Variants in COG2 observed in about 807,000 individuals in gnomAD.
The protein encoded by COG2 is conserved oligomeric Golgi complex subunit 2.
Under a neutral mutation model 90.6 loss-of-function variants are expected in COG2, and 52 were observed. The ratio of observed to expected loss-of-function variants is 0.57; its 90% CI spans 0.46 to 0.72. The LOEUF is 0.72. Ranked by LOEUF, COG2 falls within the 30% of genes least tolerant of loss-of-function variation. COG2 has a pLI of 0.00. For synonymous variants in COG2, 337 were observed against 320.4 expected, an observed-to-expected ratio of 1.05 and a Z score of -0.55; for missense variants, 829 against 891.2, an observed-to-expected ratio of 0.93 and a Z score of 0.89.
intron 9 of COG2, among the ~76,000 whole-genome samples, chr1:230,675,427 C>CTT: frequency 6.6e-6 from 1 of 152,102 alleles, no homozygotes; most frequent in East Asian, 1.9e-4. Context: ...CCATTAAAAG[C>CTT]CAGTGTTTTT....
At chr1:230,685,399 AT>A (rs1287127730) in intron 12 of COG2, among the ~76,000 whole-genome samples, 163 bp downstream of exon 12, 2 of 152,098 alleles carry the variant, frequency 1.3e-5, no homozygotes, top group Admixed American at 1.3e-4. Flanking sequence ...TCTGTGTTTC[AT>A]TTTTACTCCT....
chr1:230,688,186 G>T lies in COG2; in HGVS notation c.1651+43G>T. On this transcript the variant is annotated intron_variant, in intron 14 of 17. Transcript: ENST00000366669. ...CTAAGCAAATCTTTGAATAAGAAAT[G>T]ATTTAAAATAAAATCTCAGAGACTG... 4 of 1,405,990 alleles carry T rather than the reference G, an allele frequency of 2.8e-6. No homozygotes were observed. The South Asian group carries it at 3.8e-5, about 13-fold the overall frequency. 87.1% of individuals were successfully genotyped at this position (1,405,990 alleles called of 1,614,324 possible). A position where few individuals can be genotyped will look rare whatever the true frequency, so the allele number is the denominator to read the frequency against.
rs767532625 is a variant in COG2 at position 230,671,497 on chromosome 1, A to G, written c.775-19A>G. 1.3e-6 allele frequency: 2 copies of G among 1,592,706 alleles called. No individual in the cohort carries two copies. Among genetic ancestry groups the G allele is most frequent in the Admixed American group, 1.8e-5 (1 of 55,116 alleles). On this transcript the variant is annotated intron_variant, in intron 7 of 17. Transcript: ENST00000366669. ...TCCCTTTTAAATGCTTTTTTAAAAA[A>G]TGATTTTTCTTTTAATAGGTGATTA...
At position 230,660,795 on chromosome 1, in the gene COG2, CT is replaced by C. The variant is rs751763497; in HGVS notation, c.275del (p.Leu92TrpfsTer9). 1 of 1,585,782 alleles carries C rather than the reference CT, an allele frequency of 6.3e-7. No individual in the cohort carries two copies. On this transcript the variant is annotated frameshift_variant, in exon 3 of 18. Transcript: ENST00000366669. LOFTEE classifies it high-confidence loss of function. ...AAAGCCCTCAACCAGCTTTCTGTGC[CT>C]TTGGGACAATTACGAGAAGAGGTTC... is the stretch of plus-strand genomic sequence containing the variant. ...MDKALNQLSVPLGQLREEVLS... is the reference protein window; with the variant it reads ...MDKALNQLSVXLGQLREEVLS...
chr1:230,660,820 T>G lies in COG2; in HGVS notation c.297T>G (p.Val99=). The G allele has an allele frequency of 6.3e-7, 1 of 1,575,544 alleles. No homozygotes were observed. The highest frequency in any genetic ancestry group is 8.6e-7 in the Non-Finnish European group (1 of 1,161,772). The change falls in exon 3 of 18, where the codon GTT becomes GTG. Residue 99 remains valine (V), a synonymous_variant. Coordinates refer to ENST00000366669, the MANE Select transcript of COG2 (RefSeq NM_007357.3). Reference sequence around the variant, plus strand: ...CTTTGGGACAATTACGAGAAGAGGTTCTGGTAAGTTTCCCGAATAACATCA... The same window carrying G: ...CTTTGGGACAATTACGAGAAGAGGTGCTGGTAAGTTTCCCGAATAACATCA... ...SVPLGQLREE[V]LSLRSSVSEG... is the part of the protein sequence containing the mutation.
intron 17 of COG2, 133 bp from the exon 18 acceptor site, chr1:230,693,159 G>A: frequency 1.8e-6 from 1 of 565,130 alleles, no homozygotes; most frequent in Non-Finnish European, 3.2e-6. Flanking sequence ...TGCTCTAGAG[G>A]AAAAAATATC....
chr1:230,644,854 G>A (rs1051469470), intron 1 of COG2, among the ~76,000 whole-genome samples: 5 of 152,108 alleles, frequency 3.3e-5, no homozygotes, highest in African/African-American at 7.2e-5. Context: ...GACTGGTGGC[G>A]GGAGGCTACT....
intron 1 of COG2, among the ~76,000 whole-genome samples, chr1:230,649,076 A>G (rs1661853883): frequency 6.6e-6 from 1 of 152,250 alleles, no homozygotes; most frequent in Non-Finnish European, 1.5e-5. Flanking sequence ...GGTATTGAAC[A>G]GAGGATTTAG....
At chr1:230,657,797 C>G (rs1571946112) in intron 1 of COG2, among the ~76,000 whole-genome samples, 1 of 152,036 alleles carries the variant, frequency 6.6e-6, no homozygotes, top group Non-Finnish European at 1.5e-5. Flanking sequence ...CTTGTCTTCT[C>G]ACTTCATTTC....
chr1:230,653,289 T>C (rs975671538), intron 1 of COG2, among the ~76,000 whole-genome samples: 8 of 151,630 alleles, frequency 5.3e-5, no homozygotes, highest in Non-Finnish European at 1.0e-4. Flanking sequence ...GGCACCATCT[T>C]GGCTCACTGC....
intron 15 of COG2, 22 bp from the exon 16 acceptor site, chr1:230,689,992 T>C: frequency 6.5e-7 from 1 of 1,549,844 alleles, no homozygotes; most frequent in Admixed American, 2.1e-5. Context: ...TGCATCTTTA[T>C]CTCCTACCAT....
At position 230,642,559 on chromosome 1, in the gene COG2, T is replaced by C; in HGVS notation, c.-48T>C. 6.3e-7 allele frequency: 1 copy of C among 1,580,816 alleles called. No individual in the cohort carries two copies. The highest frequency in any genetic ancestry group is 8.6e-7 in the Non-Finnish European group (1 of 1,159,700). On this transcript the variant is annotated 5_prime_UTR_variant, in exon 1 of 18. Transcript: ENST00000366669. ...CGCCGAGTCGGTCTGCGCAGCCTCC[T>C]GCGTTTTCTCGCTTGGATCTTGGCA...
At position 230,644,935 on chromosome 1, in the gene COG2, C is replaced by T. The variant is rs1003614061; in HGVS notation, c.72+2257C>T. On this transcript the variant is annotated intron_variant, in intron 1 of 17. Transcript: ENST00000366669. ...AGGGGATAGTTTGTGGAAAATATTA[C>T]GTAAATGATCAAAAAGCAGGAGTGG... Among the ~76,000 whole-genome samples the T allele has an allele frequency of 7.9e-5, 12 of 151,920 alleles. No homozygotes were observed. In the South Asian group the frequency reaches 8.3e-4, roughly 11 times the overall value.
chr1:230,680,305 T>C (rs1662708663), intron 10 of COG2: 1 of 152,126 alleles, frequency 6.6e-6, no homozygotes, highest in Non-Finnish European at 1.5e-5. Flanking sequence ...TTGCTTTAGT[T>C]ATCTAATGCT....
chr1:230,674,943 GCT>G, intron 8 of COG2, 53 bp from the exon 9 acceptor site: 2 of 1,406,892 alleles, frequency 1.4e-6, no homozygotes, highest in Non-Finnish European at 1.9e-6. Context: ...GTGGAAATTT[GCT>G]CTTTGTAAGT....
chr1:230,659,598 A>C lies in COG2; in HGVS notation c.207A>C (p.Ala69=). 6.2e-7 allele frequency: 1 copy of C among 1,613,218 alleles called. No individual in the cohort carries two copies. The highest frequency in any genetic ancestry group is 8.5e-7 in the Non-Finnish European group (1 of 1,179,652). Residue 69 remains alanine, a synonymous_variant, in exon 2 of 18, where the codon GCA becomes GCC. Coordinates refer to ENST00000366669, the MANE Select transcript of COG2 (RefSeq NM_007357.3). ...TCGAACTCATCAACAAGGATTATGC[A>C]GATTTTGTCAATCTTTCAACAAACT... ...AMVELINKDY[A]DFVNLSTNLV...
At chr1:230,672,469 G>C (rs1429483260) in intron 8 of COG2, among the ~76,000 whole-genome samples, 1 of 151,916 alleles carries the variant, frequency 6.6e-6, no homozygotes, top group Non-Finnish European at 1.5e-5. Flanking sequence ...TCCCCTTCCT[G>C]TGCCCTTTGT....
intron 1 of COG2, among the ~76,000 whole-genome samples, chr1:230,658,942 T>C (rs1265672044): frequency 1.3e-5 from 2 of 152,208 alleles, no homozygotes; most frequent in African/African-American, 4.8e-5. Context: ...CATAACAGCA[T>C]GAATATTAAG....
chr1:230,670,085 G>A (rs1455068667), intron 7 of COG2: 1 of 152,384 alleles, frequency 6.6e-6, no homozygotes, highest in Admixed American at 6.5e-5. Flanking sequence ...CAAAGATCAA[G>A]GGCTTTTATA....
Sources: gnomAD v4.1 joint callset for allele counts (sites outside exome capture counted in the v4.1 genomes callset) on GRCh38, gnomAD v4.1.1 for gene constraint, MANE v1.5 for transcripts, NCBI Gene and HGNC (gene_info 2026-07-23, HGNC 2026-07-21) for gene names.